The following NHSL2 variants were observed in gnomAD, a reference collection of about 807,000 sequenced individuals.
NHSL2 encodes NHS like 2.
NHSL2 carries 27 observed loss-of-function variants against 53.4 expected under a neutral mutation model. The ratio of observed to expected loss-of-function variants is 0.51; its 90% CI spans 0.37 to 0.70. NHSL2 has a LOEUF of 0.70. NHSL2 is among the 30% of genes least tolerant of loss of function. The pLI, the probability that NHSL2 is intolerant of heterozygous loss-of-function variation, is 0.00. For missense variants in NHSL2, 892 were observed against 980.1 expected, an observed-to-expected ratio of 0.91 and a Z score of 1.20; for synonymous variants, 408 against 404.1, an observed-to-expected ratio of 1.01 and a Z score of -0.12.
chrX:71,943,495 A>G lies in NHSL2; in HGVS notation c.280+32128A>G, dbSNP rs370127525. 1.2e-4 allele frequency among the ~76,000 whole-genome samples: 14 copies of G among 112,794 alleles called. No individual in the cohort carries two copies. In the East Asian group the frequency reaches 3.3e-3, roughly 27 times the overall value. On this transcript the variant is annotated intron_variant, in intron 1 of 7. Transcript: ENST00000633930. Reference sequence around the variant, plus strand: ...ACATATCGCCTGTTTCCCTTCTAGGACCCATCTAGGTCTTTACTATTCCAC... The same window carrying G: ...ACATATCGCCTGTTTCCCTTCTAGGGCCCATCTAGGTCTTTACTATTCCAC...
rs527468852 is a variant in NHSL2, at chrX:71,949,582, G to T, written c.280+38215G>T. ...CGGGGATGAAAAAGTCCAGGTCACT[G>T]CATTGGACAGCCACTGAGCTCCCCC... is the stretch of plus-strand genomic sequence containing the variant. On this transcript the variant is annotated intron_variant, in intron 1 of 7. Coordinates refer to ENST00000633930, the MANE Select transcript of NHSL2 (RefSeq NM_001013627.3). Among the ~76,000 whole-genome samples the T allele has an allele frequency of 1.4e-4, 16 of 111,723 alleles. No individual in the cohort carries two copies. In the South Asian group the frequency reaches 5.6e-3, roughly 39 times the overall value.
At chrX:71,986,548 G>A (rs928677864) in intron 1 of NHSL2, among the ~76,000 whole-genome samples, 2 of 111,862 alleles carry the variant, frequency 1.8e-5, no homozygotes, top group Non-Finnish European at 3.8e-5. Flanking sequence ...TTCATATTAT[G>A]TAAAAATCTT....
At chrX:72,004,260 C>T (rs2042083815) in intron 1 of NHSL2, among the ~76,000 whole-genome samples, 2 of 112,101 alleles carry the variant, frequency 1.8e-5, no homozygotes, top group African/African-American at 6.5e-5. Flanking sequence ...CGGAGACTTG[C>T]CAGAGTGAAT....
intron 1 of NHSL2, among the ~76,000 whole-genome samples, chrX:72,013,878 T>C (rs1226450337): frequency 1.8e-5 from 2 of 111,950 alleles, no homozygotes; most frequent in Non-Finnish European, 3.8e-5. Flanking sequence ...TTTGTTACAC[T>C]GATTGTGTAG....
chrX:72,008,776 C>T (rs1380797785), intron 1 of NHSL2, among the ~76,000 whole-genome samples: 3 of 112,132 alleles, frequency 2.7e-5, no homozygotes, highest in African/African-American at 9.7e-5. Flanking sequence ...CCTTCAAAAT[C>T]GATTCAGAAT....
chrX:71,923,507 A>G (rs2041670002), intron 1 of NHSL2, among the ~76,000 whole-genome samples: 1 of 112,312 alleles, frequency 8.9e-6, no homozygotes, highest in Non-Finnish European at 1.9e-5. Flanking sequence ...CTTGCCCAAC[A>G]GTATAAGTGG....
chrX:71,915,526 TA>T (rs1431684915), intron 1 of NHSL2, among the ~76,000 whole-genome samples: 1 of 112,464 alleles, frequency 8.9e-6, no homozygotes, highest in East Asian at 2.8e-4. Flanking sequence ...AAAGCAATAC[TA>T]AACCTTTAAA....
intron 1 of NHSL2, among the ~76,000 whole-genome samples, chrX:71,967,220 T>C (rs2041905046): frequency 9.0e-6 from 1 of 111,690 alleles, no homozygotes; most frequent in South Asian, 3.7e-4. Context: ...ATTTTATTGA[T>C]CTTTTAAAAG....
Position 72,093,713 on chromosome X carries a change from G to GCTTTCTTTCTTTCTTT in NHSL2, c.281-38363_281-38362insTCTTTCTTTCTTTCTT, listed in dbSNP as rs751349644. Among the ~76,000 whole-genome samples, 494 of 50,865 alleles carry GCTTTCTTTCTTTCTTT rather than the reference G, an allele frequency of 9.7e-3. 14 individuals are homozygous for GCTTTCTTTCTTTCTTT. Among genetic ancestry groups the GCTTTCTTTCTTTCTTT allele is most frequent in the East Asian group, 0.043 (90 of 2,089 alleles). The allele number at this position is 50,865 out of a possible 115,157, so 44.2% of individuals were successfully genotyped here. A position where few individuals can be genotyped will look rare whatever the true frequency, so the allele number is the denominator to read the frequency against. ...TGTGTGTGAATATTCCCCTAGTATA[G>GCTTTCTTTCTTTCTTT]CTTGCTTGCTTTCTTTCTTTCTTTC... On this transcript the variant is annotated intron_variant, in intron 1 of 7. Coordinates refer to ENST00000633930, the MANE Select transcript of NHSL2 (RefSeq NM_001013627.3).
intron 1 of NHSL2, among the ~76,000 whole-genome samples, chrX:71,987,472 A>G (rs1227562050): frequency 1.8e-5 from 2 of 111,759 alleles, no homozygotes; most frequent in Admixed American, 1.9e-4. Flanking sequence ...AAATTGAACA[A>G]TTTTCAAAAG....
intron 1 of NHSL2, among the ~76,000 whole-genome samples, chrX:72,057,872 C>T (rs1454973366): frequency 8.9e-6 from 1 of 112,293 alleles, no homozygotes; most frequent in Non-Finnish European, 1.9e-5. Flanking sequence ...CCACTACATA[C>T]TCAGAAAAAG....
chrX:71,942,131 C>G (rs988404348), intron 1 of NHSL2, among the ~76,000 whole-genome samples: 1 of 111,831 alleles, frequency 8.9e-6, no homozygotes, highest in Non-Finnish European at 1.9e-5. Context: ...TTGGTTAGCT[C>G]CAGTTATGGG....
At chrX:72,122,511 A>G (rs2042189201) in intron 1 of NHSL2, among the ~76,000 whole-genome samples, 1 of 112,486 alleles carries the variant, frequency 8.9e-6, no homozygotes, top group African/African-American at 3.2e-5. Flanking sequence ...CATCTCATTA[A>G]TATATGCTAT....
At position 71,963,991 on chromosome X, in the gene NHSL2, A is replaced by ATATGTG. The variant is rs1375614694; in HGVS notation, c.280+52625_280+52626insATGTGT. On this transcript the variant is annotated intron_variant, in intron 1 of 7. Transcript: ENST00000633930. ...TATATATACATATATATATATATAT[A>ATATGTG]TGTATATACATATATATATGTATAT... 9.9e-5 allele frequency among the ~76,000 whole-genome samples: 6 copies of ATATGTG among 60,596 alleles called. No individual in the cohort carries two copies. In the East Asian group the frequency reaches 3.0e-3, roughly 30 times the overall value. The allele number at this position is 60,596 out of a possible 115,157, so 52.6% of individuals were successfully genotyped here. A position where few individuals can be genotyped will look rare whatever the true frequency, so the allele number is the denominator to read the frequency against.
intron 1 of NHSL2, among the ~76,000 whole-genome samples, chrX:71,936,284 T>G (rs2041737988): frequency 8.9e-6 from 1 of 112,182 alleles, no homozygotes; most frequent in Non-Finnish European, 1.9e-5. Flanking sequence ...TGCTCTCTCC[T>G]GCTCTGGGGC....
Position 72,144,509 on chromosome X carries a change from G to C in NHSL2, c.*935G>C, listed in dbSNP as rs769259977. 1 of 1,016,386 alleles carries C rather than the reference G, an allele frequency of 9.8e-7. No individual in the cohort carries two copies. The highest frequency in any genetic ancestry group is 2.0e-5 in the African/African-American group (1 of 51,096). The allele number at this position is 1,016,386 out of a possible 1,213,427, so 83.8% of individuals were successfully genotyped here. A position where few individuals can be genotyped will look rare whatever the true frequency, so the allele number is the denominator to read the frequency against. Reference sequence around the variant, plus strand: ...CAGGAAGTAATTAACTGAAGGAACAGCATCATCAAAGGCTCAAGGATAATG... The same window carrying C: ...CAGGAAGTAATTAACTGAAGGAACACCATCATCAAAGGCTCAAGGATAATG... On this transcript the variant is annotated 3_prime_UTR_variant, in exon 8 of 8. Coordinates refer to ENST00000633930, the MANE Select transcript of NHSL2 (RefSeq NM_001013627.3).
At chrX:71,931,428 G>C (rs1052603808) in intron 1 of NHSL2, among the ~76,000 whole-genome samples, 1 of 112,185 alleles carries the variant, frequency 8.9e-6, no homozygotes, top group African/African-American at 3.2e-5. Flanking sequence ...TCATACGTAA[G>C]AGACCATTGT....
chrX:72,019,135 T>C (rs1450211058), intron 1 of NHSL2, among the ~76,000 whole-genome samples: 1 of 112,275 alleles, frequency 8.9e-6, no homozygotes, highest in Non-Finnish European at 1.9e-5. Flanking sequence ...CAGTCCTTGA[T>C]CTCCTCTGTG....
rs1569483870 is a variant in NHSL2, at chrX:72,138,680, A to C, written c.1132A>C (p.Ser378Arg). 8.4e-7 allele frequency: 1 copy of C among 1,192,182 alleles called. No homozygotes were observed. Among genetic ancestry groups the C allele is most frequent in the Non-Finnish European group, 1.1e-6 (1 of 884,954 alleles). ...CATGGGAATGGTGTACAGTGTCCCC[A>C]GTTCTTGCAATGGACCTACAGAATC... ...ESMGMVYSVP[S>R]SCNGPTESTF... is the part of the protein sequence containing the mutation. Residue 378 changes from serine to arginine, a missense_variant, in exon 6 of 8, where the codon AGT (serine) becomes CGT (arginine). Ser to Arg is a moderately radical substitution (Grantham distance 110). Coordinates refer to ENST00000633930, the MANE Select transcript of NHSL2 (RefSeq NM_001013627.3).
Sources: gnomAD v4.1 joint callset for allele counts (sites outside exome capture counted in the v4.1 genomes callset) on GRCh38, gnomAD v4.1.1 for gene constraint, MANE v1.5 for transcripts, NCBI Gene and HGNC (gene_info 2026-07-23, HGNC 2026-07-21) for gene names.